FMN2: variants seen among roughly 807,000 people sequenced by gnomAD.
The protein encoded by FMN2 is formin 2.
A neutral mutation model predicts 142.3 loss-of-function variants in FMN2; 51 were observed. The observed-to-expected ratio is 0.36, with a 90% CI of 0.29 to 0.45. FMN2 has a LOEUF of 0.45. FMN2 is among the 20% of genes least tolerant of loss of function. The pLI is 1.00. For missense variants in FMN2, 1,936 were observed against 2,122.8 expected, an observed-to-expected ratio of 0.91 and a Z score of 1.73; for synonymous variants, 882 against 869.8, an observed-to-expected ratio of 1.01 and a Z score of -0.25.
intron 1 of FMN2, among the ~76,000 whole-genome samples, chr1:240,115,341 T>C (rs962431433): frequency 6.6e-6 from 1 of 152,202 alleles, no homozygotes; most frequent in African/African-American, 2.4e-5. Flanking sequence ...CCAGGAACTG[T>C]GATAAATACT....
At chr1:240,289,473 G>A (rs1048205950) in intron 7 of FMN2, among the ~76,000 whole-genome samples, 1 of 152,050 alleles carries the variant, frequency 6.6e-6, no homozygotes, top group African/African-American at 2.4e-5. Flanking sequence ...TTCAAGACCG[G>A]CCTGGGCAAC....
chr1:240,212,395 T>C (rs1348470538), intron 6 of FMN2, among the ~76,000 whole-genome samples: 4 of 152,350 alleles, frequency 2.6e-5, no homozygotes, highest in East Asian at 3.9e-4. Context: ...CCAAACATTA[T>C]GCAGTTGAAT....
intron 15 of FMN2, chr1:240,400,597 GTGGACTTTGACC>G (rs1673945561): frequency 1.3e-5 from 2 of 152,182 alleles, no homozygotes; most frequent in Admixed American, 1.3e-4. Flanking sequence ...TGAGGGAATG[GTGGACTTTGACC>G]CAGATTCTAG....
chr1:240,170,702 C>T (rs576877972), intron 2 of FMN2: 1 of 1,558,222 alleles, frequency 6.4e-7, no homozygotes, highest in South Asian at 1.1e-5. Flanking sequence ...GGCATTTCAG[C>T]TGGTTATGGT....
chr1:240,301,326 C>T (rs1670189245), intron 8 of FMN2, among the ~76,000 whole-genome samples: 1 of 151,764 alleles, frequency 6.6e-6, no homozygotes, highest in Admixed American at 6.6e-5. Flanking sequence ...GCTGCCTCTC[C>T]TGCTCCATTT....
At chr1:240,178,901 TA>T (rs1356743029) in intron 3 of FMN2, among the ~76,000 whole-genome samples, 6 of 151,168 alleles carry the variant, frequency 4.0e-5, no homozygotes, top group African/African-American at 1.5e-4. Context: ...ATATTAGAGT[TA>T]AGAATTTTGA....
intron 8 of FMN2, among the ~76,000 whole-genome samples, chr1:240,297,394 G>A (rs536440182): frequency 1.3e-3 from 199 of 152,050 alleles, no homozygotes; most frequent in African/African-American, 4.6e-3. Context: ...GGGAGTTCGA[G>A]AACAGCCTGG....
chr1:240,288,168 A>G (rs1669654249), intron 7 of FMN2, among the ~76,000 whole-genome samples: 1 of 152,196 alleles, frequency 6.6e-6, no homozygotes, highest in Non-Finnish European at 1.5e-5. Context: ...GGGTTCTTCT[A>G]GATAGAGAAA....
At chr1:240,348,223 CTT>C (rs780364990) in intron 13 of FMN2, among the ~76,000 whole-genome samples, 13 of 139,216 alleles carry the variant, frequency 9.3e-5, no homozygotes, top group Admixed American at 1.4e-4. Flanking sequence ...GTTTTTTTTA[CTT>C]TTTTTTTTTT....
intron 2 of FMN2, chr1:240,142,645 G>C: frequency 6.3e-7 from 1 of 1,592,524 alleles, no homozygotes; most frequent in East Asian, 2.2e-5. Context: ...ATCAGCTGCA[G>C]TTCAGAGCCC....
At position 240,330,773 on chromosome 1, in the gene FMN2, G is replaced by A. The variant is rs375475011; in HGVS notation, c.4584+24G>A. The A allele has an allele frequency of 8.0e-5, 129 of 1,608,302 alleles. 1 individual carries two copies. The South Asian group carries it at 8.1e-4, about 10-fold the overall frequency. The stretch of plus-strand genomic sequence containing the variant: ...GTGTAAGTATTTTGCATGAGTGGAC[G>A]TAAGCACATTGAGGAGTCAAGGTTT... On this transcript the variant is annotated intron_variant, in intron 11 of 17. Transcript: ENST00000319653.
chr1:240,396,214 A>C (rs1184578463), intron 15 of FMN2, among the ~76,000 whole-genome samples: 1 of 152,198 alleles, frequency 6.6e-6, no homozygotes, highest in Non-Finnish European at 1.5e-5. Flanking sequence ...ATGCACTAGG[A>C]AACCAGAAAA....
chr1:240,245,954 G>T (rs2102876140), intron 6 of FMN2, among the ~76,000 whole-genome samples: 1 of 151,738 alleles, frequency 6.6e-6, no homozygotes, highest in East Asian at 2.0e-4. Context: ...GCCGTGGCGG[G>T]CGGATCACGA....
intron 4 of FMN2, among the ~76,000 whole-genome samples, chr1:240,196,214 G>A (rs979877457): frequency 6.6e-6 from 1 of 152,206 alleles, no homozygotes; most frequent in Non-Finnish European, 1.5e-5. Flanking sequence ...TACCTGGCAA[G>A]GGAATGTAGA....
rs1668196097 is a variant in FMN2, at chr1:240,249,296, A to AG, written c.4066-8648dup. The stretch of plus-strand genomic sequence containing the variant: ...TGTATATGGTGAGAGATAAGGGTCA[A>AG]GTTTCATTGTTCTGCATATAGATAT... On this transcript the variant is annotated intron_variant, in intron 6 of 17. Coordinates refer to ENST00000319653, the MANE Select transcript of FMN2 (RefSeq NM_020066.5). Among the ~76,000 whole-genome samples the AG allele has an allele frequency of 2.0e-5, 3 of 152,146 alleles. No individual in the cohort carries two copies. The South Asian group carries it at 6.2e-4, about 32-fold the overall frequency.
At chr1:240,403,713 A>G (rs1243941633) in intron 15 of FMN2, among the ~76,000 whole-genome samples, 1 of 152,218 alleles carries the variant, frequency 6.6e-6, no homozygotes. Context: ...TTAATAAGGA[A>G]GCAAATAGCA....
chr1:240,222,505 G>GT (rs150906512), intron 6 of FMN2, among the ~76,000 whole-genome samples: 47,810 of 150,046 alleles, frequency 0.32, 8,416 homozygotes, highest in African/African-American at 0.49. Flanking sequence ...ATTTAAAGTA[G>GT]TTTTTTTTTT....
intron 16 of FMN2, among the ~76,000 whole-genome samples, chr1:240,469,423 G>A (rs891220228): frequency 1.4e-4 from 21 of 152,084 alleles, no homozygotes; most frequent in African/African-American, 5.1e-4. Context: ...CTTAGAGTGA[G>A]GTGACTGACT....
chr1:240,442,402 G>A (rs1675654283), intron 16 of FMN2, among the ~76,000 whole-genome samples: 1 of 152,234 alleles, frequency 6.6e-6, no homozygotes, highest in South Asian at 2.1e-4. Context: ...CCTGAAGCAA[G>A]AGAAGAGTGT....
Sources: allele counts gnomAD v4.1 joint callset (sites outside exome capture counted in the v4.1 genomes callset), GRCh38; gene constraint gnomAD v4.1.1; transcripts MANE v1.5; gene names NCBI Gene and HGNC (gene_info 2026-07-23, HGNC 2026-07-21).